Variants in CNTNAP5 observed in about 807,000 individuals in gnomAD.
CNTNAP5 encodes the protein contactin-associated protein-like 5.
In CNTNAP5, 72 loss-of-function variants were observed where a neutral mutation model predicts 150.2. The ratio of observed to expected loss-of-function variants is 0.48; its 90% confidence interval spans 0.40 to 0.58. The LOEUF (loss-of-function observed/expected upper bound fraction) is 0.58, where lower values mean the gene tolerates loss of function less well. Among genes scored for constraint, CNTNAP5 ranks in the 20% least tolerant of loss-of-function variants. The probability of loss-of-function intolerance (pLI) is 0.00; values close to 1 mark genes in which losing one functional copy is unlikely to be tolerated. For missense variants in CNTNAP5, 1,636 were observed against 1,626.2 expected (o/e 1.01, Z -0.10); for synonymous variants, 672 against 619.8 (o/e 1.08, Z -1.25).
intron 19 of CNTNAP5, among the ~76,000 whole-genome samples, chr2:124,811,536 T>C (rs1482671957): frequency 6.6e-6 from 1 of 152,154 alleles, no homozygotes; most frequent in Non-Finnish European, 1.5e-5. Context: ...TGAAGACACA[T>C]AAGATGACTA....
At chr2:124,736,684 C>A (rs543765969) in intron 13 of CNTNAP5, among the ~76,000 whole-genome samples, 1 of 152,106 alleles carries the variant, frequency 6.6e-6, no homozygotes, top group Non-Finnish European at 1.5e-5. Context: ...TCAATGATAA[C>A]CTAAAATGGC....
chr2:124,739,643 A>T (rs1680457916), intron 13 of CNTNAP5, among the ~76,000 whole-genome samples: 1 of 152,292 alleles, frequency 6.6e-6, no homozygotes, highest in Admixed American at 6.5e-5. Context: ...TATCCCAAAC[A>T]GTCATTTCCT....
intron 1 of CNTNAP5, among the ~76,000 whole-genome samples, chr2:124,106,283 G>C (rs975873587): frequency 6.6e-6 from 1 of 152,204 alleles, no homozygotes; most frequent in Non-Finnish European, 1.5e-5. Context: ...AATCTGCAGA[G>C]TTCTGTGCCT....
At position 124,188,997 on chromosome 2, in the gene CNTNAP5, T is replaced by A. The variant is rs1332336957; in HGVS notation, c.83-32708T>A. Among the ~76,000 whole-genome samples the A allele has an allele frequency of 3.9e-5, 6 of 152,254 alleles. No individual in the cohort carries two copies. The East Asian group carries it at 1.2e-3, about 30-fold the overall frequency. On this transcript the variant is annotated intron_variant, in intron 1 of 23. Transcript: ENST00000682447. ...GGATTTCAGTATTTTGAAGATTAAG[T>A]TTTTCATGAATTCTTCAAAGTTTCC...
At chr2:124,825,679 G>T in intron 19 of CNTNAP5, among the ~76,000 whole-genome samples, 1 of 152,186 alleles carries the variant, frequency 6.6e-6, no homozygotes, top group South Asian at 2.1e-4. Flanking sequence ...GGGCCTGGAA[G>T]GGGCTGCTGA....
At chr2:124,749,375 C>T (rs891939445) in intron 14 of CNTNAP5, among the ~76,000 whole-genome samples, 1 of 148,408 alleles carries the variant, frequency 6.7e-6, no homozygotes. Flanking sequence ...CCTTCCCTCT[C>T]TCCCTTCCTT....
intron 3 of CNTNAP5, among the ~76,000 whole-genome samples, chr2:124,326,381 T>C (rs182782896): frequency 1.3e-5 from 2 of 152,326 alleles, no homozygotes; most frequent in East Asian, 3.9e-4. Flanking sequence ...TGTGCCAACA[T>C]GTGATAGTCG....
intron 13 of CNTNAP5, 88 bp downstream of exon 13, chr2:124,648,046 G>A: frequency 2.4e-6 from 3 of 1,228,144 alleles, no homozygotes; most frequent in Admixed American, 4.5e-5. Context: ...CCAAGAAGGG[G>A]GCTATAGTTA....
chr2:124,033,526 A>G (rs1681121085), intron 1 of CNTNAP5, among the ~76,000 whole-genome samples: 1 of 152,076 alleles, frequency 6.6e-6, no homozygotes, highest in African/African-American at 2.4e-5. Context: ...GTGTATTACC[A>G]TTGACTTTTC....
At chr2:124,511,484 G>A (rs974236533) in intron 8 of CNTNAP5, among the ~76,000 whole-genome samples, 57 of 152,322 alleles carry the variant, frequency 3.7e-4, no homozygotes, top group African/African-American at 1.2e-3. Flanking sequence ...GTGGTTGTGC[G>A]TCAGCCTACC....
chr2:124,390,710 C>G (rs534663526), intron 3 of CNTNAP5, among the ~76,000 whole-genome samples: 3 of 152,242 alleles, frequency 2.0e-5, no homozygotes, highest in South Asian at 4.1e-4. Flanking sequence ...TATAATTACA[C>G]TCAAGGAAAA....
At chr2:124,710,645 C>G (rs1452609940) in intron 13 of CNTNAP5, among the ~76,000 whole-genome samples, 1 of 152,098 alleles carries the variant, frequency 6.6e-6, no homozygotes, top group Non-Finnish European at 1.5e-5. Flanking sequence ...CATTTTGCAG[C>G]CAAATTTCCC....
intron 19 of CNTNAP5, among the ~76,000 whole-genome samples, chr2:124,800,716 T>A (rs1271164140): frequency 3.9e-5 from 6 of 152,194 alleles, no homozygotes; most frequent in Admixed American, 2.0e-4. Context: ...AAAAGCTGCC[T>A]GATCCCATAG....
intron 3 of CNTNAP5, among the ~76,000 whole-genome samples, chr2:124,270,696 C>T (rs182351616): frequency 4.6e-5 from 7 of 150,658 alleles, no homozygotes; most frequent in African/African-American, 7.3e-5. Flanking sequence ...CGCGTGCTTG[C>T]GTGCATGTGT....
chr2:124,652,484 C>T (rs1014873251), intron 13 of CNTNAP5, among the ~76,000 whole-genome samples: 21 of 152,158 alleles, frequency 1.4e-4, no homozygotes, highest in African/African-American at 4.8e-4. Context: ...TTGCCTGAGG[C>T]TAGAGTCCTG....
intron 13 of CNTNAP5, among the ~76,000 whole-genome samples, chr2:124,693,697 C>T (rs1679344792): frequency 6.6e-6 from 1 of 152,008 alleles, no homozygotes; most frequent in African/African-American, 2.4e-5. Context: ...GGCTCCACTG[C>T]CCTACTTTAA....
chr2:124,166,459 A>G (rs989656393), intron 1 of CNTNAP5, among the ~76,000 whole-genome samples: 1 of 152,202 alleles, frequency 6.6e-6, no homozygotes, highest in African/African-American at 2.4e-5. Flanking sequence ...GCTGCTCTCT[A>G]GCCTTGATTA....
intron 19 of CNTNAP5, among the ~76,000 whole-genome samples, chr2:124,838,392 A>G (rs1344218149): frequency 1.3e-5 from 2 of 152,118 alleles, no homozygotes; most frequent in East Asian, 3.9e-4. Context: ...CTCTCAAAAA[A>G]CATGTTGATG....
intron 21 of CNTNAP5, among the ~76,000 whole-genome samples, chr2:124,882,631 G>A (rs1677987569): frequency 1.3e-5 from 2 of 152,096 alleles, no homozygotes; most frequent in African/African-American, 4.8e-5. Context: ...GAGAAGTCCT[G>A]CAAATATGCA....
Sources: allele counts gnomAD v4.1 joint callset (sites outside exome capture counted in the v4.1 genomes callset), GRCh38; gene constraint gnomAD v4.1.1; transcripts MANE v1.5; gene names NCBI Gene and HGNC (gene_info 2026-07-23, HGNC 2026-07-21).